Variants in ARID1B observed in about 807,000 individuals in gnomAD.
The protein encoded by ARID1B is AT-rich interactive domain-containing protein 1B.
In ARID1B, 30 loss-of-function variants were observed where a neutral mutation model predicts 212.3. The observed-to-expected ratio is 0.14, with a 90% confidence interval of 0.11 to 0.19. The LOEUF (loss-of-function observed/expected upper bound fraction) is 0.19, where lower values mean the gene tolerates loss of function less well. ARID1B is among the 10% of genes least tolerant of loss of function. The probability of loss-of-function intolerance (pLI) is 1.00; values close to 1 mark genes in which losing one functional copy is unlikely to be tolerated. For missense variants in ARID1B, 2,891 were observed against 3,204.0 expected, an observed-to-expected ratio of 0.90 and a Z score of 2.36; for synonymous variants, 1,402 against 1,301.7, an observed-to-expected ratio of 1.08 and a Z score of -1.66.
At chr6:157,108,509 A>T (rs972757180) in intron 5 of ARID1B, among the ~76,000 whole-genome samples, 2 of 152,160 alleles carry the variant, frequency 1.3e-5, no homozygotes, top group African/African-American at 4.8e-5. Flanking sequence ...GTGACATTTT[A>T]AAAAGTCAGT....
At chr6:157,184,687 A>G (rs1191944407) in intron 13 of ARID1B, 5 of 560,566 alleles carry the variant, frequency 8.9e-6, no homozygotes, top group African/African-American at 1.9e-5. Flanking sequence ...TACCTTAATC[A>G]AAACAGGCTT....
intron 4 of ARID1B, among the ~76,000 whole-genome samples, chr6:157,081,236 T>G (rs2128454605): frequency 6.6e-6 from 1 of 152,288 alleles, no homozygotes; most frequent in South Asian, 2.1e-4. Flanking sequence ...TGCAGTAAGG[T>G]CTCTCTGTTC....
chr6:156,998,638 C>T (rs2128422262), intron 4 of ARID1B, among the ~76,000 whole-genome samples: 1 of 152,304 alleles, frequency 6.6e-6, no homozygotes, highest in East Asian at 1.9e-4. Flanking sequence ...CACCAGTGGA[C>T]TCATCCTGAG....
chr6:156,846,412 G>A (rs746148917), intron 2 of ARID1B, among the ~76,000 whole-genome samples: 5 of 151,002 alleles, frequency 3.3e-5, no homozygotes, highest in Non-Finnish European at 5.9e-5. Flanking sequence ...TGAACCACCC[G>A]CCTCGGCCTC....
At position 157,133,043 on chromosome 6, in the gene ARID1B, C is replaced by T. The variant is rs1229674387; in HGVS notation, c.2597C>T (p.Thr866Ile). ...TCCCACTTAGGTTTTATGGCAGGCA[C>T]ACAAAGAAACCCTCAGATGGCTCAG... ...MPQERGFMAG[T>I]QRNPQMAQYG... The change falls in exon 7 of 20, where the codon ACA becomes ATA. Residue 866 changes from threonine (T) to isoleucine (I), a missense_variant. Transcript: ENST00000636930. 2 of 1,598,930 alleles carry T rather than the reference C, an allele frequency of 1.3e-6. No homozygotes were observed. The highest frequency in any genetic ancestry group is 1.8e-5 in the Admixed American group (1 of 55,526).
At chr6:156,844,841 CA>C (rs1272494870) in intron 2 of ARID1B, among the ~76,000 whole-genome samples, 1 of 152,174 alleles carries the variant, frequency 6.6e-6, no homozygotes, top group African/African-American at 2.4e-5. Flanking sequence ...CCTTACTGTA[CA>C]ACTTTCTGTT....
At chr6:156,964,300 A>T (rs193285062) in intron 4 of ARID1B, among the ~76,000 whole-genome samples, 1 of 152,368 alleles carries the variant, frequency 6.6e-6, no homozygotes. Context: ...GCAGGTGCTA[A>T]GTCTCATTTT....
chr6:157,017,867 T>C (rs890307385), intron 4 of ARID1B, among the ~76,000 whole-genome samples: 1 of 148,838 alleles, frequency 6.7e-6, no homozygotes, highest in Non-Finnish European at 1.5e-5. Flanking sequence ...GGCTCATGCC[T>C]GAAATCCCAG....
chr6:157,131,213 C>A (rs1453392774), intron 6 of ARID1B, among the ~76,000 whole-genome samples: 1 of 152,242 alleles, frequency 6.6e-6, no homozygotes. Context: ...TTGTTAACCA[C>A]CACGTCCCAC....
intron 6 of ARID1B, among the ~76,000 whole-genome samples, chr6:157,126,580 A>G (rs1383844965): frequency 3.3e-5 from 5 of 152,086 alleles, no homozygotes; most frequent in Admixed American, 2.0e-4. Context: ...CCTGATCAGA[A>G]CCCTGGTGCA....
At chr6:156,934,339 A>C (rs1332458244) in intron 3 of ARID1B, among the ~76,000 whole-genome samples, 1 of 152,156 alleles carries the variant, frequency 6.6e-6, no homozygotes, top group East Asian at 1.9e-4. Flanking sequence ...GGTATACAGT[A>C]AATGTGGTGT....
chr6:156,908,892 T>G (rs565210781), intron 3 of ARID1B, among the ~76,000 whole-genome samples: 1 of 152,270 alleles, frequency 6.6e-6, no homozygotes, highest in East Asian at 1.9e-4. Context: ...GTGAAAGTTT[T>G]ATTACAAGAA....
intron 2 of ARID1B, among the ~76,000 whole-genome samples, chr6:156,874,521 G>A (rs1786392607): frequency 6.6e-6 from 1 of 152,162 alleles, no homozygotes; most frequent in African/African-American, 2.4e-5. Context: ...TGGCATGCAT[G>A]GTGTTTGTTA....
At chr6:156,820,528 A>G (rs1315682926) in intron 1 of ARID1B, among the ~76,000 whole-genome samples, 11 of 152,362 alleles carry the variant, frequency 7.2e-5, no homozygotes, top group African/African-American at 2.4e-4. Context: ...ATTTGTTAAG[A>G]GTAAAATAAA....
intron 1 of ARID1B, among the ~76,000 whole-genome samples, chr6:156,798,950 T>C (rs1263522412): frequency 6.6e-6 from 1 of 152,226 alleles, no homozygotes; most frequent in Non-Finnish European, 1.5e-5. Context: ...TAGTTTTCTC[T>C]CTGTGTGTAT....
At chr6:156,851,615 G>A (rs1335573411) in intron 2 of ARID1B, among the ~76,000 whole-genome samples, 1 of 152,208 alleles carries the variant, frequency 6.6e-6, no homozygotes, top group Non-Finnish European at 1.5e-5. Context: ...TCAGGAGTGG[G>A]TTTGAACTGG....
Position 157,206,120 on chromosome 6 carries a change from T to C in ARID1B, c.5395-47T>C. 1 of 1,584,612 alleles carries C rather than the reference T, an allele frequency of 6.3e-7. No individual in the cohort carries two copies. The highest frequency in any genetic ancestry group is 8.6e-7 in the Non-Finnish European group (1 of 1,159,986). ...CCCTCCTCGGTCATATCTGATGTCA[T>C]GACATTGTACCTGTTCTTTCTTTCT... On this transcript the variant is annotated intron_variant, in intron 19 of 19. Coordinates refer to ENST00000636930, the MANE Select transcript of ARID1B (RefSeq NM_001374828.1). The surrounding 1 kb of genome is among the most constrained non-coding windows in gnomAD (Gnocchi z 6.8).
chr6:157,155,925 C>T (rs1790545913), intron 8 of ARID1B, among the ~76,000 whole-genome samples: 1 of 152,160 alleles, frequency 6.6e-6, no homozygotes, highest in African/African-American at 2.4e-5. Context: ...ACACATCTTC[C>T]AGCCACTGTT....
intron 3 of ARID1B, among the ~76,000 whole-genome samples, chr6:156,913,470 G>A (rs897665636): frequency 5.9e-5 from 9 of 151,928 alleles, no homozygotes; most frequent in Admixed American, 3.9e-4. Flanking sequence ...GCCTGCCTCA[G>A]CCTCCCAAAG....
Sources: gnomAD v4.1 joint callset for allele counts (sites outside exome capture counted in the v4.1 genomes callset) on GRCh38, gnomAD v4.1.1 for gene constraint, Gnocchi (gnomAD v3.1) non-coding constraint, MANE v1.5 for transcripts, NCBI Gene and HGNC (gene_info 2026-07-23, HGNC 2026-07-21) for gene names.